Variants in PCSK5 observed in about 807,000 individuals in gnomAD.
PCSK5 encodes prohormone convertase 5.
Under a neutral mutation model 233.2 loss-of-function variants are expected in PCSK5, and 129 were observed. That is an observed-to-expected ratio of 0.55 (90% CI 0.48 to 0.64). PCSK5 has a LOEUF of 0.64. Ranked by LOEUF, PCSK5 falls within the 30% of genes least tolerant of loss-of-function variation. PCSK5 has a pLI of 0.00. For missense variants in PCSK5, 2,076 were observed against 2,430.1 expected, an observed-to-expected ratio of 0.85 and a Z score of 3.06; for synonymous variants, 825 against 879.2, an observed-to-expected ratio of 0.94 and a Z score of 1.09.
At chr9:76,355,459 C>T (rs908963629) in intron 37 of PCSK5, among the ~76,000 whole-genome samples, 2 of 151,174 alleles carry the variant, frequency 1.3e-5, no homozygotes, top group African/African-American at 2.4e-5. Flanking sequence ...GGTGACAGAG[C>T]GAGACTCCGT....
intron 9 of PCSK5, among the ~76,000 whole-genome samples, chr9:76,109,461 A>G (rs10781333): frequency 0.62 from 94,116 of 151,226 alleles, 29,513 homozygotes; most frequent in East Asian, 0.7. Flanking sequence ...AGTTCTTTTA[A>G]TCACGATTTA....
intron 24 of PCSK5, among the ~76,000 whole-genome samples, chr9:76,283,548 A>C (rs189751660): frequency 1.3e-5 from 2 of 152,220 alleles, no homozygotes; most frequent in Non-Finnish European, 2.9e-5. Context: ...TATTACTTTT[A>C]TATGCACTGG....
At chr9:76,094,227 C>T (rs1412576149) in intron 7 of PCSK5, among the ~76,000 whole-genome samples, 3 of 152,178 alleles carry the variant, frequency 2.0e-5, no homozygotes, top group Admixed American at 6.5e-5. Context: ...CACAGATACT[C>T]CAGACTTTGT....
intron 2 of PCSK5, among the ~76,000 whole-genome samples, chr9:75,970,910 C>T (rs1325462717): frequency 6.6e-6 from 1 of 152,156 alleles, no homozygotes; most frequent in African/African-American, 2.4e-5. Context: ...AGGCATGAGA[C>T]ACCACGCCTG....
At chr9:76,013,405 G>A (rs1329682526) in intron 3 of PCSK5, among the ~76,000 whole-genome samples, 1 of 152,106 alleles carries the variant, frequency 6.6e-6, no homozygotes, top group Non-Finnish European at 1.5e-5. Context: ...ACTTGGCTTT[G>A]AAAATATCCC....
chr9:76,030,109 G>A (rs1351719478), intron 5 of PCSK5, among the ~76,000 whole-genome samples: 1 of 150,868 alleles, frequency 6.6e-6, no homozygotes, highest in Non-Finnish European at 1.5e-5. Context: ...CAAAAGAAGT[G>A]TTTTTCTCTC....
chr9:76,231,421 G>A (rs545671788), intron 21 of PCSK5, among the ~76,000 whole-genome samples: 30 of 152,222 alleles, frequency 2.0e-4, no homozygotes, highest in Non-Finnish European at 3.2e-4. Flanking sequence ...CAAAAAGGCC[G>A]GGGACCACTG....
chr9:76,003,902 G>A (rs1328605230), intron 3 of PCSK5, among the ~76,000 whole-genome samples: 1 of 152,032 alleles, frequency 6.6e-6, no homozygotes, highest in African/African-American at 2.4e-5. Context: ...AAAAACTCCT[G>A]GGCTCAGGCA....
intron 10 of PCSK5, 45 bp downstream of exon 10, chr9:76,134,257 T>C (rs1354830216): frequency 3.3e-6 from 4 of 1,204,568 alleles, no homozygotes; most frequent in Non-Finnish European, 4.8e-6. Flanking sequence ...ATATTTTTAT[T>C]TTTCCCCCAT....
intron 20 of PCSK5, among the ~76,000 whole-genome samples, chr9:76,220,950 G>C (rs1475637625): frequency 6.6e-6 from 1 of 152,004 alleles, no homozygotes; most frequent in East Asian, 1.9e-4. Flanking sequence ...TACCATAATT[G>C]TGGTTGTAAG....
At chr9:76,027,605 A>G (rs1326620520) in intron 5 of PCSK5, among the ~76,000 whole-genome samples, 1 of 131,386 alleles carries the variant, frequency 7.6e-6, no homozygotes, top group East Asian at 2.6e-4. Flanking sequence ...GTTAACCACA[A>G]TTATGCTTTC....
intron 13 of PCSK5, among the ~76,000 whole-genome samples, chr9:76,170,595 C>A (rs566061907): frequency 4.9e-4 from 75 of 152,346 alleles, no homozygotes; most frequent in Middle Eastern, 3.4e-3. Context: ...TAGCTTCCCA[C>A]CCATCCATGA....
Position 75,891,057 on chromosome 9 carries a change from C to CGGGGCTGCGAGCTGCGGCGGCCA in PCSK5, c.-103_-102insAGGGGCTGCGAGCTGCGGCGGCC. 4.5e-6 allele frequency: 4 copies of CGGGGCTGCGAGCTGCGGCGGCCA among 882,084 alleles called. No individual in the cohort carries two copies. The highest frequency in any genetic ancestry group is 6.2e-6 in the Non-Finnish European group (4 of 642,084). 54.6% of individuals were successfully genotyped at this position (882,084 alleles called of 1,614,324 possible). A position where few individuals can be genotyped will look rare whatever the true frequency, so the allele number is the denominator to read the frequency against. ...GGCTAGCCGCCTCCTGCCGATCGCC[C>CGGGGCTGCGAGCTGCGGCGGCCA]GGGGCTGCGAGCTGCGGCGGCCCGG... is the stretch of plus-strand genomic sequence containing the variant. On this transcript the variant is annotated 5_prime_UTR_variant, in exon 1 of 38. Coordinates refer to ENST00000674117, the MANE Select transcript of PCSK5 (RefSeq NM_001372043.1).
At chr9:75,995,744 TACACACACACACACAC>T (rs35132294) in intron 3 of PCSK5, among the ~76,000 whole-genome samples, 22 of 146,036 alleles carry the variant, frequency 1.5e-4, no homozygotes, top group African/African-American at 3.3e-4. Context: ...GATTCATTCA[TACACACACACACACAC>T]ACACACACAC....
intron 12 of PCSK5, 86 bp from the exon 13 acceptor site, chr9:76,169,618 T>C (rs1823242785): frequency 1.5e-6 from 2 of 1,350,800 alleles, no homozygotes; most frequent in Non-Finnish European, 2.1e-6. Flanking sequence ...TGCTAATGGA[T>C]ACAAAAAACA....
intron 3 of PCSK5, among the ~76,000 whole-genome samples, chr9:76,014,672 C>T (rs549104197): frequency 3.9e-5 from 6 of 152,276 alleles, no homozygotes; most frequent in Non-Finnish European, 8.8e-5. Flanking sequence ...ATGTTACCGC[C>T]CTTCTGACTT....
intron 27 of PCSK5, 142 bp from the exon 28 acceptor site, chr9:76,301,995 C>T (rs1363679709): frequency 1.9e-5 from 7 of 368,486 alleles, no homozygotes; most frequent in Admixed American, 4.0e-5. Flanking sequence ...TATACTCACA[C>T]ACTCAATATG....
chr9:76,269,312 C>T (rs942142209), intron 24 of PCSK5, among the ~76,000 whole-genome samples: 2 of 152,172 alleles, frequency 1.3e-5, no homozygotes, highest in African/African-American at 4.8e-5. Flanking sequence ...TGTTTAGAAC[C>T]ATTCAGCAAT....
At chr9:76,075,404 G>A (rs555029815) in intron 7 of PCSK5, among the ~76,000 whole-genome samples, 19 of 152,014 alleles carry the variant, frequency 1.2e-4, no homozygotes, top group African/African-American at 2.7e-4. Flanking sequence ...CTAGTTATCC[G>A]TGTTTGTAGT....
Sources: allele counts gnomAD v4.1 joint callset (sites outside exome capture counted in the v4.1 genomes callset), GRCh38; gene constraint gnomAD v4.1.1; transcripts MANE v1.5; gene names NCBI Gene and HGNC (gene_info 2026-07-23, HGNC 2026-07-21).